The following CADM1 variants were observed in gnomAD, a reference collection of about 807,000 sequenced individuals.
CADM1 encodes TSLC-1.
A neutral mutation model predicts 53.1 loss-of-function variants in CADM1; 15 were observed. The ratio of observed to expected loss-of-function variants is 0.28; its 90% confidence interval spans 0.19 to 0.44. The LOEUF (loss-of-function observed/expected upper bound fraction) is 0.44, where lower values mean the gene tolerates loss of function less well. CADM1 is among the 20% of genes least tolerant of loss of function. CADM1 has a pLI of 1.00. For missense variants in CADM1, 434 were observed against 611.3 expected, an observed-to-expected ratio of 0.71 and a Z score of 3.06; for synonymous variants, 281 against 243.0, an observed-to-expected ratio of 1.16 and a Z score of -1.45.
chr11:115,235,135 G>C (rs1941966621), intron 3 of CADM1, among the ~76,000 whole-genome samples: 1 of 150,110 alleles, frequency 6.7e-6, no homozygotes, highest in Non-Finnish European at 1.5e-5. Context: ...AATCATAATA[G>C]TTTATTGATA....
chr11:115,183,557 C>T (rs1463566847), intron 10 of CADM1, among the ~76,000 whole-genome samples: 5 of 152,110 alleles, frequency 3.3e-5, no homozygotes. Flanking sequence ...CTGAAGCCCT[C>T]GGCTACACAG....
intron 1 of CADM1, among the ~76,000 whole-genome samples, chr11:115,260,967 C>T (rs1942957239): frequency 6.6e-6 from 1 of 152,130 alleles, no homozygotes; most frequent in Admixed American, 6.5e-5. Flanking sequence ...AGCCACCATG[C>T]CCATCCTACC....
intron 1 of CADM1, among the ~76,000 whole-genome samples, chr11:115,258,866 A>G (rs1942875438): frequency 6.6e-6 from 1 of 152,232 alleles, no homozygotes; most frequent in African/African-American, 2.4e-5. Flanking sequence ...TAAGAAGCAC[A>G]ATCATTTTTA....
chr11:115,400,659 G>GTGTATATA (rs1475298148), intron 1 of CADM1, among the ~76,000 whole-genome samples: 1 of 38,670 alleles, frequency 2.6e-5, no homozygotes, highest in African/African-American at 8.2e-5. Flanking sequence ...GTGTGTGTGT[G>GTGTATATA]TGTATATATA....
chr11:115,194,191 C>CAG (rs927088957), intron 9 of CADM1: 2 of 152,318 alleles, frequency 1.3e-5, no homozygotes, highest in East Asian at 1.9e-4. Flanking sequence ...TGTGCTCATA[C>CAG]AGAGAGATGT....
chr11:115,462,727 T>C (rs1002204701), intron 1 of CADM1, among the ~76,000 whole-genome samples: 5 of 152,154 alleles, frequency 3.3e-5, no homozygotes, highest in Non-Finnish European at 7.3e-5. Context: ...AAGACTTAAT[T>C]GTTCTGTCCA....
chr11:115,191,578 C>T (rs960867340), intron 9 of CADM1, among the ~76,000 whole-genome samples: 3 of 152,138 alleles, frequency 2.0e-5, no homozygotes, highest in South Asian at 2.1e-4. Flanking sequence ...GTAATCAAAT[C>T]GGGGCTTGAA....
chr11:115,424,169 G>C (rs1362524462), intron 1 of CADM1, among the ~76,000 whole-genome samples: 1 of 152,196 alleles, frequency 6.6e-6, no homozygotes, highest in African/African-American at 2.4e-5. Context: ...AATTCTTCAA[G>C]ATAGCACAGC....
chr11:115,316,799 G>A (rs1234547846), intron 1 of CADM1, among the ~76,000 whole-genome samples: 1 of 152,106 alleles, frequency 6.6e-6, no homozygotes, highest in Non-Finnish European at 1.5e-5. Context: ...TTAAGGAAGT[G>A]TTCTACTAAC....
chr11:115,194,195 G>C (rs958917215), intron 9 of CADM1: 18 of 152,256 alleles, frequency 1.2e-4, no homozygotes, highest in African/African-American at 3.9e-4. Context: ...CTCATACAGA[G>C]AGATGTACAT....
At chr11:115,248,015 A>G (rs1942462240) in intron 1 of CADM1, among the ~76,000 whole-genome samples, 1 of 152,220 alleles carries the variant, frequency 6.6e-6, no homozygotes, top group Non-Finnish European at 1.5e-5. Flanking sequence ...AAGAAGAGTT[A>G]TTTCTGCTTT....
intron 1 of CADM1, among the ~76,000 whole-genome samples, chr11:115,386,049 A>C (rs1162073459): frequency 2.0e-5 from 3 of 152,238 alleles, no homozygotes; most frequent in Non-Finnish European, 4.4e-5. Flanking sequence ...TGAAAGAAGC[A>C]ATTTTGAAGT....
Position 115,169,878 on chromosome 11 carries a change from T to C in CADM1, c.*6596A>G, listed in dbSNP as rs888851551. The stretch of plus-strand genomic sequence containing the variant: ...AGAGTAATAAAGTCACACATTTCAA[T>C]ATTCAGCAACCATTAAGGGATTTAA... On this transcript the variant is annotated 3_prime_UTR_variant, in exon 12 of 12. Transcript: ENST00000331581. 1.6e-4 allele frequency: 44 copies of C among 270,728 alleles called. No homozygotes were observed. The highest frequency in any genetic ancestry group is 9.0e-4 in the African/African-American group (41 of 45,608). The allele number at this position is 270,728 out of a possible 1,614,324, so 16.8% of individuals were successfully genotyped here.
chr11:115,495,589 C>T (rs962237048), intron 1 of CADM1, among the ~76,000 whole-genome samples: 2 of 152,134 alleles, frequency 1.3e-5, no homozygotes, highest in African/African-American at 2.4e-5. Flanking sequence ...TGATAATCCA[C>T]CCTCTATGTT....
At chr11:115,420,403 A>C (rs1030243563) in intron 1 of CADM1, among the ~76,000 whole-genome samples, 2 of 152,158 alleles carry the variant, frequency 1.3e-5, no homozygotes, top group Non-Finnish European at 2.9e-5. Flanking sequence ...TAATTGACTC[A>C]GTCTGTTTTG....
intron 1 of CADM1, among the ~76,000 whole-genome samples, chr11:115,261,779 A>G (rs1942980487): frequency 6.6e-6 from 1 of 151,452 alleles, no homozygotes; most frequent in African/African-American, 2.4e-5. Flanking sequence ...ATGCACTCCA[A>G]TAAGATTTTT....
At chr11:115,411,802 A>T (rs1947466438) in intron 1 of CADM1, among the ~76,000 whole-genome samples, 1 of 152,158 alleles carries the variant, frequency 6.6e-6, no homozygotes, top group Admixed American at 6.5e-5. Context: ...TCCCTAAGTC[A>T]GTGGTTTTAT....
chr11:115,251,840 A>G (rs2134975845), intron 1 of CADM1, among the ~76,000 whole-genome samples: 1 of 152,334 alleles, frequency 6.6e-6, no homozygotes, highest in Admixed American at 6.5e-5. Context: ...TTTAAGCCAC[A>G]GTTTGATGAA....
At chr11:115,250,419 AT>A (rs1473422424) in intron 1 of CADM1, among the ~76,000 whole-genome samples, 2 of 152,038 alleles carry the variant, frequency 1.3e-5, no homozygotes, top group African/African-American at 4.8e-5. Flanking sequence ...CCCCCTTTAC[AT>A]TTGTCTCCAG....
Sources: gnomAD v4.1 joint callset for allele counts (sites outside exome capture counted in the v4.1 genomes callset) on GRCh38, gnomAD v4.1.1 for gene constraint, MANE v1.5 for transcripts, NCBI Gene and HGNC (gene_info 2026-07-23, HGNC 2026-07-21) for gene names.